Variants in MAPRE1 observed in about 807,000 individuals in gnomAD.
The protein encoded by MAPRE1 is microtubule-associated protein RP/EB family member 1.
MAPRE1 carries 5 observed loss-of-function variants against 32.1 expected under a neutral mutation model. The observed-to-expected ratio is 0.16, with a 90% CI of 0.08 to 0.33. MAPRE1 has a LOEUF of 0.33. Among genes scored for constraint, MAPRE1 ranks in the 10% least tolerant of loss-of-function variants. MAPRE1 has a pLI of 1.00. For missense variants in MAPRE1, 209 were observed against 327.2 expected (o/e 0.64, Z 2.79); for synonymous variants, 122 against 118.9 (o/e 1.03, Z -0.17).
chr20:32,830,031 A>G (rs895168507), intron 2 of MAPRE1, among the ~76,000 whole-genome samples: 2 of 152,126 alleles, frequency 1.3e-5, no homozygotes, highest in Non-Finnish European at 2.9e-5. Flanking sequence ...TTCCATATTC[A>G]GGCCCCTCTG....
At chr20:32,828,259 A>C (rs1982922408) in intron 2 of MAPRE1, among the ~76,000 whole-genome samples, 1 of 152,130 alleles carries the variant, frequency 6.6e-6, no homozygotes, top group Non-Finnish European at 1.5e-5. Context: ...GAGGCTTTTA[A>C]AGCACTTGTT....
chr20:32,847,837 G>A (rs1983546293), intron 6 of MAPRE1, among the ~76,000 whole-genome samples: 1 of 152,180 alleles, frequency 6.6e-6, no homozygotes, highest in Admixed American at 6.6e-5. Context: ...GTGTGTGGGA[G>A]TCATGAATCT....
chr20:32,824,808 G>A (rs1729729374), intron 1 of MAPRE1, among the ~76,000 whole-genome samples: 1 of 151,380 alleles, frequency 6.6e-6, no homozygotes, highest in African/African-American at 2.4e-5. Context: ...CCTAGGTATA[G>A]TCTTTAAGGA....
At chr20:32,826,701 G>A (rs1452116345) in intron 2 of MAPRE1, among the ~76,000 whole-genome samples, 1 of 150,338 alleles carries the variant, frequency 6.7e-6, no homozygotes, top group African/African-American at 2.5e-5. Context: ...TAATTTTTTT[G>A]TATTTTTAGT....
chr20:32,820,226 C>G (rs961472728), intron 1 of MAPRE1, among the ~76,000 whole-genome samples, 198 bp downstream of exon 1: 3 of 58,274 alleles, frequency 5.1e-5, no homozygotes, highest in African/African-American at 1.3e-4. Context: ...GCGCTCTGCT[C>G]AGGGGGCGGG....
chr20:32,836,545 C>T, intron 3 of MAPRE1, 89 bp from the exon 4 acceptor site: 11 of 751,390 alleles, frequency 1.5e-5, no homozygotes, highest in Non-Finnish European at 2.5e-5. Flanking sequence ...CTCCTTTTGG[C>T]AGAGCTTTAT....
intron 2 of MAPRE1, among the ~76,000 whole-genome samples, chr20:32,829,560 CT>C (rs1489042397): frequency 2.6e-5 from 4 of 152,192 alleles, no homozygotes; most frequent in African/African-American, 9.6e-5. Context: ...ATTCCAGGAG[CT>C]TTTGATGCTG....
intron 1 of MAPRE1, among the ~76,000 whole-genome samples, chr20:32,825,575 A>C (rs916053638): frequency 1.3e-5 from 2 of 152,140 alleles, no homozygotes; most frequent in African/African-American, 4.8e-5. Flanking sequence ...TGAGTGGATC[A>C]CCTGAGGCCA....
intron 2 of MAPRE1, 26 bp downstream of exon 2, chr20:32,826,074 T>A: frequency 6.4e-7 from 1 of 1,567,272 alleles, no homozygotes; most frequent in Non-Finnish European, 8.7e-7. Context: ...TGGATCATTT[T>A]TCTAGGAAAG....
intron 6 of MAPRE1, 119 bp downstream of exon 6, chr20:32,846,889 C>T: frequency 9.0e-7 from 1 of 1,114,436 alleles, no homozygotes; most frequent in East Asian, 2.4e-5. Context: ...TCTTTAACCC[C>T]TCAAAGTCAG....
At chr20:32,824,019 T>C (rs242553) in intron 1 of MAPRE1, among the ~76,000 whole-genome samples, 104,770 of 152,208 alleles carry the variant, frequency 0.69, 38,204 homozygotes, top group East Asian at 1. Context: ...TGGTTGCTTC[T>C]TTCTCTGATC....
At chr20:32,823,813 T>C (rs1369605140) in intron 1 of MAPRE1, among the ~76,000 whole-genome samples, 1 of 152,104 alleles carries the variant, frequency 6.6e-6, no homozygotes, top group Non-Finnish European at 1.5e-5. Context: ...GGCTTGAGCC[T>C]GGGAAGTCAG....
At chr20:32,829,402 GT>G in intron 2 of MAPRE1, among the ~76,000 whole-genome samples, 1 of 152,304 alleles carries the variant, frequency 6.6e-6, no homozygotes, top group Non-Finnish European at 1.5e-5. Context: ...TCACATTGGT[GT>G]TTAGAAAATG....
In MAPRE1 at chr20:32,846,675, G is replaced by A. The variant is rs2146141655; in HGVS notation, c.655G>A (p.Gly219Arg). 6.2e-7 allele frequency: 1 copy of A among 1,614,068 alleles called. No homozygotes were observed. Among genetic ancestry groups the A allele is most frequent in the Non-Finnish European group, 8.5e-7 (1 of 1,179,962 alleles). Residue 219 changes from glycine to arginine, a missense_variant, in exon 6 of 7, where the codon GGA (glycine) becomes AGA (arginine). Gly to Arg is a moderately radical substitution (Grantham distance 125). Coordinates refer to ENST00000375571, the MANE Select transcript of MAPRE1 (RefSeq NM_012325.3). ...DLEKERDFYF[G>R]KLRNIELICQ... is the part of the protein sequence containing the mutation. ...GGAGAAAGAGAGGGATTTCTACTTC[G>A]GAAAGCTACGGAACATTGAATTGAT... is the stretch of plus-strand genomic sequence containing the variant.
intron 1 of MAPRE1, among the ~76,000 whole-genome samples, chr20:32,821,824 A>G (rs1385203980): frequency 6.6e-6 from 1 of 152,158 alleles, no homozygotes; most frequent in Admixed American, 6.5e-5. Context: ...CTGCTGAAGG[A>G]AGAGAGATTC....
At chr20:32,835,813 C>A (rs534439664) in intron 3 of MAPRE1, among the ~76,000 whole-genome samples, 10 of 152,118 alleles carry the variant, frequency 6.6e-5, no homozygotes, top group African/African-American at 2.4e-4. Context: ...ACCATATTGG[C>A]CAGGCTGGTC....
In MAPRE1 at chr20:32,850,024, T is replaced by C. The variant is rs1379776191; in HGVS notation, c.*1296T>C. Reference sequence around the variant, plus strand: ...GCCCACAGCCTATTCAGTTCCTTTGTTTGGCAGGATTCTGCAAAATGTGTC... The same window carrying C: ...GCCCACAGCCTATTCAGTTCCTTTGCTTGGCAGGATTCTGCAAAATGTGTC... On this transcript the variant is annotated 3_prime_UTR_variant, in exon 7 of 7. Coordinates refer to ENST00000375571, the MANE Select transcript of MAPRE1 (RefSeq NM_012325.3). 6.5e-6 allele frequency: 1 copy of C among 152,674 alleles called. No individual in the cohort carries two copies. The highest frequency in any genetic ancestry group is 1.5e-5 in the Non-Finnish European group (1 of 68,050). 9.5% of individuals were successfully genotyped at this position (152,674 alleles called of 1,614,324 possible).
intron 3 of MAPRE1, 36 bp downstream of exon 3, chr20:32,833,898 C>A: frequency 1.3e-6 from 2 of 1,580,826 alleles, no homozygotes; most frequent in Non-Finnish European, 1.7e-6. Flanking sequence ...GGTTAATGTT[C>A]CTTAATGATC....
chr20:32,833,746 C>T lies in MAPRE1; in HGVS notation c.151C>T (p.Leu51=). 1 of 1,613,712 alleles carries T rather than the reference C, an allele frequency of 6.2e-7. No individual in the cohort carries two copies. Among genetic ancestry groups the T allele is most frequent in the Non-Finnish European group, 8.5e-7 (1 of 1,179,870 alleles). ...TGCGTATTGTCAGTTTATGGACATG[C>T]TGTTCCCTGGCTCCATTGCCTTGAA... is the stretch of plus-strand genomic sequence containing the variant. The part of the protein sequence containing the change: ...GAAYCQFMDM[L]FPGSIALKKV... The change falls in exon 3 of 7, where the codon CTG becomes TTG. Residue 51 remains leucine (L), a synonymous_variant. Transcript: ENST00000375571.
Sources: allele counts gnomAD v4.1 joint callset (sites outside exome capture counted in the v4.1 genomes callset), GRCh38; gene constraint gnomAD v4.1.1; transcripts MANE v1.5; gene names NCBI Gene and HGNC (gene_info 2026-07-23, HGNC 2026-07-21).